The following AKAP7 variants were observed in gnomAD, a reference collection of about 807,000 sequenced individuals.
AKAP7 encodes the protein A kinase (PRKA) anchor protein 7.
AKAP7 carries 39 observed loss-of-function variants against 39.5 expected under a neutral mutation model. That is an observed-to-expected ratio of 0.99 (90% confidence interval 0.76 to 1.29). The LOEUF is 1.29. Ranked by LOEUF, AKAP7 falls within the 50% of genes most tolerant of loss-of-function variation. The probability of loss-of-function intolerance (pLI) is 0.00; values close to 1 mark genes in which losing one functional copy is unlikely to be tolerated. For missense variants in AKAP7, 414 were observed against 407.7 expected, an observed-to-expected ratio of 1.02 and a Z score of -0.13; for synonymous variants, 140 against 139.1, an observed-to-expected ratio of 1.01 and a Z score of -0.05.
the AKAP7 span, among the ~76,000 whole-genome samples, chr6:131,127,426 T>C: frequency 6.6e-6 from 1 of 151,966 alleles, no homozygotes; most frequent in African/African-American, 2.4e-5. Context: ...TCTCATAAGA[T>C]ACAACCAAAT....
intron 6 of AKAP7, among the ~76,000 whole-genome samples, chr6:131,217,558 C>G (rs778573033): frequency 1.3e-5 from 2 of 152,050 alleles, no homozygotes; most frequent in African/African-American, 2.4e-5. Flanking sequence ...CCTTTTTGAA[C>G]CATAGCTCTC....
intron 1 of AKAP7, 62 bp from the exon 2 acceptor site, chr6:131,145,223 G>A: frequency 8.8e-7 from 1 of 1,137,796 alleles, no homozygotes; most frequent in Non-Finnish European, 1.2e-6. Flanking sequence ...TTTTCATTTA[G>A]GATATGTTTA....
At chr6:131,250,311 C>T (rs903288667) in intron 7 of AKAP7, 3 of 1,290,130 alleles carry the variant, frequency 2.3e-6, no homozygotes, top group Non-Finnish European at 2.0e-6. Context: ...CGTATAGCCA[C>T]TTCCTTCACT....
chr6:131,137,061 A>G (rs1264219697), intron 1 of AKAP7, among the ~76,000 whole-genome samples: 2 of 152,140 alleles, frequency 1.3e-5, no homozygotes, highest in African/African-American at 4.8e-5. Context: ...GGCTGGGATC[A>G]TGCCAACCTC....
chr6:131,241,001 T>C (rs578217757), intron 7 of AKAP7, among the ~76,000 whole-genome samples: 10 of 152,226 alleles, frequency 6.6e-5, no homozygotes, highest in Non-Finnish European at 1.5e-4. Flanking sequence ...ATCACCCGTC[T>C]TCTGCGTCGC....
chr6:131,184,144 G>A (rs1805574181), intron 5 of AKAP7, among the ~76,000 whole-genome samples: 1 of 152,220 alleles, frequency 6.6e-6, no homozygotes. Context: ...TGAGGGCCTA[G>A]GGCCAGAGGT....
intron 7 of AKAP7, among the ~76,000 whole-genome samples, chr6:131,262,750 ATTCTTTAAAAATAATTTC>A (rs1813455672): frequency 6.6e-6 from 1 of 152,358 alleles, no homozygotes; most frequent in South Asian, 2.1e-4. Context: ...AGTTTTGAAC[ATTCTTTAAAAATAATTTC>A]TTCTAAGTTT....
intron 7 of AKAP7, among the ~76,000 whole-genome samples, chr6:131,228,545 G>A (rs1810381355): frequency 6.6e-6 from 1 of 151,804 alleles, no homozygotes; most frequent in Non-Finnish European, 1.5e-5. Context: ...TTGTAGAGAC[G>A]GGGTCTCCCT....
intron 7 of AKAP7, among the ~76,000 whole-genome samples, chr6:131,238,531 G>A (rs1585151768): frequency 6.6e-6 from 1 of 152,066 alleles, no homozygotes; most frequent in African/African-American, 2.4e-5. Context: ...TTATTATTGT[G>A]TGGGAGTCTA....
chr6:131,160,920 C>T (rs150242709), intron 3 of AKAP7, among the ~76,000 whole-genome samples: 80 of 152,242 alleles, frequency 5.3e-4, no homozygotes, highest in Admixed American at 1.2e-3. Context: ...ACCACTGAAG[C>T]GGTGAGGTAG....
At chr6:131,196,537 T>G (rs1263098992) in intron 5 of AKAP7, among the ~76,000 whole-genome samples, 1 of 152,154 alleles carries the variant, frequency 6.6e-6, no homozygotes, top group African/African-American at 2.4e-5. Flanking sequence ...GTGTTGGGAT[T>G]ACAGGCATGA....
intron 7 of AKAP7, among the ~76,000 whole-genome samples, chr6:131,273,025 C>T (rs1040354516): frequency 5.3e-5 from 8 of 152,122 alleles, no homozygotes; most frequent in Non-Finnish European, 1.2e-4. Context: ...TGTTAAGAGG[C>T]ATATATGCAT....
At chr6:131,145,861 GTTTTTTAT>G (rs1317834695) in intron 2 of AKAP7, among the ~76,000 whole-genome samples, 2 of 151,992 alleles carry the variant, frequency 1.3e-5, no homozygotes, top group Non-Finnish European at 2.9e-5. Context: ...GCCAAGTCTT[GTTTTTTAT>G]TTAATAGTTG....
intron 6 of AKAP7, among the ~76,000 whole-genome samples, chr6:131,207,492 T>A (rs1031911347): frequency 1.1e-3 from 101 of 89,358 alleles, no homozygotes; most frequent in Admixed American, 3.5e-3. Context: ...CTAATTAAAA[T>A]TTTTTTTTTT....
upstream of AKAP7, among the ~76,000 whole-genome samples, chr6:131,130,938 A>T (rs1800313294): frequency 6.6e-6 from 1 of 152,202 alleles, no homozygotes; most frequent in Non-Finnish European, 1.5e-5. Context: ...AAAAGAAAAA[A>T]ATAGAAATTA....
intron 7 of AKAP7, among the ~76,000 whole-genome samples, chr6:131,251,637 G>T (rs113606414): frequency 0.023 from 3,469 of 152,250 alleles, 71 homozygotes; most frequent in Non-Finnish European, 0.035. Flanking sequence ...AACTCTTTGG[G>T]GAATGCTTTG....
intron 1 of AKAP7, among the ~76,000 whole-genome samples, 180 bp downstream of exon 1, chr6:131,135,962 A>G (rs552774506): frequency 6.6e-6 from 1 of 152,168 alleles, no homozygotes; most frequent in East Asian, 1.9e-4. Context: ...GGTGTACATC[A>G]GTGCTGCCTG....
intron 7 of AKAP7, among the ~76,000 whole-genome samples, chr6:131,260,981 G>C (rs1813268675): frequency 6.6e-6 from 1 of 152,154 alleles, no homozygotes; most frequent in South Asian, 2.1e-4. Flanking sequence ...TGGATCACCT[G>C]AGGTTGGGAG....
chr6:131,168,610 G>A (rs1484857415), intron 4 of AKAP7, among the ~76,000 whole-genome samples: 1 of 152,136 alleles, frequency 6.6e-6, no homozygotes, highest in African/African-American at 2.4e-5. Flanking sequence ...TTTTATTTGA[G>A]TCTAAGTATA....
Sources: gnomAD v4.1 joint callset for allele counts (sites outside exome capture counted in the v4.1 genomes callset) on GRCh38, gnomAD v4.1.1 for gene constraint, MANE v1.5 for transcripts, NCBI Gene and HGNC (gene_info 2026-07-23, HGNC 2026-07-21) for gene names.